TMEM164: variants seen among roughly 807,000 people sequenced by gnomAD.
The protein encoded by TMEM164 is transmembrane protein 164.
Under a neutral mutation model 18.8 loss-of-function variants are expected in TMEM164, and 4 were observed. That is an observed-to-expected ratio of 0.21 (90% confidence interval 0.10 to 0.49). The LOEUF (loss-of-function observed/expected upper bound fraction) is 0.49. TMEM164 is among the 20% of genes least tolerant of loss of function. TMEM164 has a pLI of 0.98. For synonymous variants in TMEM164, 86 were observed against 101.7 expected (o/e 0.85, Z 0.93); for missense variants, 108 against 239.9 (o/e 0.45, Z 3.63).
At chrX:110,030,754 T>C (rs1310192423) in intron 2 of TMEM164, among the ~76,000 whole-genome samples, 1 of 99,491 alleles carries the variant, frequency 1.0e-5, no homozygotes, top group East Asian at 3.1e-4. Context: ...GAGGTTGCAG[T>C]GAGCTGAGAT....
intron 4 of TMEM164, among the ~76,000 whole-genome samples, chrX:110,111,124 C>T (rs1428325446): frequency 8.9e-6 from 1 of 112,217 alleles, no homozygotes; most frequent in Non-Finnish European, 1.9e-5. Flanking sequence ...AGGCACAGGC[C>T]GCTGACACAG....
intron 5 of TMEM164, among the ~76,000 whole-genome samples, chrX:110,166,548 G>A (rs999275009): frequency 1.8e-5 from 2 of 111,877 alleles, no homozygotes; most frequent in African/African-American, 6.5e-5. Context: ...TCCTTCATGG[G>A]TGGGATTATA....
chrX:110,155,085 G>A (rs780023340), intron 5 of TMEM164, among the ~76,000 whole-genome samples: 187 of 111,542 alleles, frequency 1.7e-3, no homozygotes, highest in Non-Finnish European at 2.8e-3. Flanking sequence ...CTAGACTGCC[G>A]TCTCTAGAGG....
intron 3 of TMEM164, among the ~76,000 whole-genome samples, chrX:110,077,625 A>G (rs985720354): frequency 4.5e-5 from 5 of 111,922 alleles, no homozygotes; most frequent in African/African-American, 1.6e-4. Context: ...GAACTCCCTT[A>G]AGGAGCTCTT....
chrX:110,074,871 T>C (rs1486663020), intron 3 of TMEM164, among the ~76,000 whole-genome samples: 2 of 112,136 alleles, frequency 1.8e-5, no homozygotes, highest in Non-Finnish European at 3.8e-5. Context: ...CCTTGTAGTA[T>C]AGTTTGAAGT....
At chrX:110,042,825 T>C (rs1474571206) in intron 2 of TMEM164, among the ~76,000 whole-genome samples, 5 of 112,599 alleles carry the variant, frequency 4.4e-5, no homozygotes, top group Non-Finnish European at 9.4e-5. Flanking sequence ...TATATCTTCT[T>C]TGGAGAAATG....
chrX:110,065,893 A>G (rs1422222654), intron 2 of TMEM164, among the ~76,000 whole-genome samples: 2 of 112,491 alleles, frequency 1.8e-5, no homozygotes, highest in African/African-American at 3.2e-5. Flanking sequence ...TTGCTGTAAC[A>G]TTAGCTTTGA....
intron 2 of TMEM164, among the ~76,000 whole-genome samples, chrX:110,028,137 G>A (rs1358484114): frequency 1.8e-5 from 2 of 111,977 alleles, no homozygotes; most frequent in Non-Finnish European, 3.8e-5. Context: ...TGACCATTTT[G>A]TCTAAATTTT....
intron 4 of TMEM164, among the ~76,000 whole-genome samples, chrX:110,130,932 AAGAAAGAAAGAAAT>A (rs2066604041): frequency 8.9e-6 from 1 of 111,990 alleles, no homozygotes; most frequent in South Asian, 3.7e-4. Context: ...AAGAGAAGAG[AAGAAAGAAAGAAAT>A]AGAAAGAAGT....
At chrX:110,062,389 C>T (rs970506460) in intron 2 of TMEM164, among the ~76,000 whole-genome samples, 1 of 111,654 alleles carries the variant, frequency 9.0e-6, no homozygotes, top group Non-Finnish European at 1.9e-5. Context: ...CTGTTAAACA[C>T]GTGATAATTA....
rs60093826 is a variant in TMEM164, at chrX:110,156,476, G to A, written c.586+11600G>A. 6.3e-4 allele frequency among the ~76,000 whole-genome samples: 70 copies of A among 110,890 alleles called. 1 individual carries two copies. In the East Asian group the frequency reaches 0.014, roughly 23 times the overall value. ...TGAGGTGCTATGGGAATAAGGATGC[G>A]GGTAAAATCCGTGAGGCCCCTGAAT... On this transcript the variant is annotated intron_variant, in intron 5 of 6. Transcript: ENST00000372068.
chrX:110,145,219 A>G (rs769670832), intron 5 of TMEM164, among the ~76,000 whole-genome samples: 32 of 111,163 alleles, frequency 2.9e-4, no homozygotes, highest in Admixed American at 7.7e-4. Context: ...CCCTGCCTCA[A>G]TGTGCAGTGT....
At chrX:110,108,123 T>TGTGA (rs1443160417) in intron 3 of TMEM164, among the ~76,000 whole-genome samples, 3 of 104,188 alleles carry the variant, frequency 2.9e-5, no homozygotes, top group Non-Finnish European at 3.9e-5. Flanking sequence ...TGTGTGTGTG[T>TGTGA]GTGATTGAGA....
chrX:110,004,186 T>C (rs1410675046), intron 2 of TMEM164, 22 bp downstream of exon 2: 1 of 1,177,925 alleles, frequency 8.5e-7, no homozygotes, highest in Non-Finnish European at 1.1e-6. Flanking sequence ...GACTTTTTCC[T>C]GGGCATCCTA....
chrX:110,114,954 C>A (rs1409636247), intron 4 of TMEM164, among the ~76,000 whole-genome samples: 1 of 112,095 alleles, frequency 8.9e-6, no homozygotes, highest in Non-Finnish European at 1.9e-5. Context: ...TACTACCACT[C>A]TCCTTTTGCC....
chrX:110,183,684 A>G (rs1054240138), downstream of TMEM164, among the ~76,000 whole-genome samples: 2 of 112,271 alleles, frequency 1.8e-5, no homozygotes, highest in Admixed American at 1.9e-4. Context: ...AGCCTGACAA[A>G]CTTTTTTTGA....
At chrX:110,107,729 G>A (rs1303705774) in intron 3 of TMEM164, among the ~76,000 whole-genome samples, 1 of 101,280 alleles carries the variant, frequency 9.9e-6, no homozygotes, top group African/African-American at 3.6e-5. Context: ...GCATGATCTC[G>A]GTTCACTGCA....
At chrX:110,017,697 G>A (rs1170407866) in intron 2 of TMEM164, among the ~76,000 whole-genome samples, 1 of 104,276 alleles carries the variant, frequency 9.6e-6, no homozygotes, top group African/African-American at 3.5e-5. Context: ...AGCCTCCCGA[G>A]TAGCTGGGAT....
intron 3 of TMEM164, among the ~76,000 whole-genome samples, chrX:110,107,744 C>T (rs1318060234): frequency 9.4e-6 from 1 of 106,053 alleles, no homozygotes; most frequent in Non-Finnish European, 1.9e-5. Flanking sequence ...ACTGCAACCT[C>T]CGCCTCCTGA....
Sources: allele counts gnomAD v4.1 joint callset (sites outside exome capture counted in the v4.1 genomes callset), GRCh38; gene constraint gnomAD v4.1.1; transcripts MANE v1.5; gene names NCBI Gene and HGNC (gene_info 2026-07-23, HGNC 2026-07-21).